Variants in TOX2 observed in about 807,000 individuals in gnomAD.
TOX2 encodes the protein TOX high mobility group box family member 2.
TOX2 carries 15 observed loss-of-function variants against 47.4 expected under a neutral mutation model. That is an observed-to-expected ratio of 0.32 (90% confidence interval 0.21 to 0.49). TOX2 has a LOEUF of 0.49. TOX2 is among the 20% of genes least tolerant of loss of function. The pLI is 0.99. For missense variants in TOX2, 622 were observed against 673.1 expected (o/e 0.92, Z 0.84); for synonymous variants, 290 against 296.6 (o/e 0.98, Z 0.23).
At chr20:43,951,952 AG>A (rs2069582261) in intron 1 of TOX2, among the ~76,000 whole-genome samples, 1 of 151,758 alleles carries the variant, frequency 6.6e-6, no homozygotes, top group Non-Finnish European at 1.5e-5. Context: ...GCTGGAGTGC[AG>A]TGGTGCGATC....
chr20:43,982,534 G>C (rs550736473), intron 2 of TOX2, among the ~76,000 whole-genome samples: 1 of 152,150 alleles, frequency 6.6e-6, no homozygotes, highest in African/African-American at 2.4e-5. Flanking sequence ...CTTATTCAGA[G>C]TGGGACGCTG....
chr20:43,966,084 T>C (rs899469843), intron 1 of TOX2, among the ~76,000 whole-genome samples: 25 of 152,348 alleles, frequency 1.6e-4, no homozygotes, highest in African/African-American at 6.0e-4. Flanking sequence ...TTAATAATGC[T>C]AACTCATAGC....
At chr20:44,016,184 C>T (rs562740158) in intron 3 of TOX2, among the ~76,000 whole-genome samples, 3 of 152,124 alleles carry the variant, frequency 2.0e-5, no homozygotes, top group South Asian at 2.1e-4. Flanking sequence ...GCCTTGGTGC[C>T]GTTCCCTTCT....
chr20:43,960,672 T>C (rs1415488585), intron 1 of TOX2, among the ~76,000 whole-genome samples: 1 of 152,274 alleles, frequency 6.6e-6, no homozygotes, highest in African/African-American at 2.4e-5. Flanking sequence ...GAATGGAATC[T>C]GATTTCCATT....
At chr20:44,048,414 G>GATATATATATATA (rs2071452436) in intron 3 of TOX2, among the ~76,000 whole-genome samples, 1 of 118,374 alleles carries the variant, frequency 8.4e-6, no homozygotes, top group Non-Finnish European at 1.7e-5. Flanking sequence ...ATATATATAT[G>GATATATATATATA]TATAATTTAC....
intron 1 of TOX2, among the ~76,000 whole-genome samples, chr20:43,917,938 A>G (rs975814007): frequency 6.6e-6 from 1 of 152,180 alleles, no homozygotes; most frequent in African/African-American, 2.4e-5. Flanking sequence ...GCTGGGAACC[A>G]TTGGTCTCCT....
chr20:43,941,055 GT>G (rs1416646020), intron 1 of TOX2, among the ~76,000 whole-genome samples: 1 of 152,206 alleles, frequency 6.6e-6, no homozygotes, highest in African/African-American at 2.4e-5. Flanking sequence ...TCTCAGTACT[GT>G]GAAAGGAAGG....
intron 3 of TOX2, among the ~76,000 whole-genome samples, chr20:44,039,430 C>A (rs922361943): frequency 6.6e-6 from 1 of 152,134 alleles, no homozygotes; most frequent in Non-Finnish European, 1.5e-5. Context: ...AGGGAGGCGA[C>A]ATTTCATGCT....
intron 1 of TOX2, among the ~76,000 whole-genome samples, chr20:43,920,301 T>C (rs1407615404): frequency 1.3e-5 from 2 of 152,198 alleles, no homozygotes. Flanking sequence ...TAATGAATGA[T>C]TGAGGACTCT....
chr20:44,015,139 C>T (rs1394817908), intron 3 of TOX2, among the ~76,000 whole-genome samples: 1 of 152,076 alleles, frequency 6.6e-6, no homozygotes, highest in Non-Finnish European at 1.5e-5. Context: ...CACTGATCTC[C>T]CAAATGGGTC....
At chr20:43,962,046 G>A (rs1203563794) in intron 1 of TOX2, among the ~76,000 whole-genome samples, 1 of 152,238 alleles carries the variant, frequency 6.6e-6, no homozygotes, top group Non-Finnish European at 1.5e-5. Context: ...AGCTTAATGA[G>A]CGCTTGTCTG....
intron 1 of TOX2, among the ~76,000 whole-genome samples, chr20:43,917,790 T>C (rs2069074133): frequency 6.6e-6 from 1 of 152,256 alleles, no homozygotes; most frequent in Non-Finnish European, 1.5e-5. Context: ...ATGTGTATTT[T>C]ATTAAACACA....
intron 5 of TOX2, among the ~76,000 whole-genome samples, chr20:44,063,486 A>G (rs914725432): frequency 6.6e-6 from 1 of 152,218 alleles, no homozygotes; most frequent in African/African-American, 2.4e-5. Flanking sequence ...CAAAAAGGGA[A>G]CACTTTTACA....
At chr20:44,053,574 C>G (rs930088917) in intron 4 of TOX2, among the ~76,000 whole-genome samples, 3 of 136,122 alleles carry the variant, frequency 2.2e-5, no homozygotes, top group Admixed American at 1.6e-4. Context: ...TATACACACA[C>G]ATATATATAC....
intron 1 of TOX2, among the ~76,000 whole-genome samples, chr20:43,921,239 C>A (rs1568997635): frequency 6.6e-6 from 1 of 152,172 alleles, no homozygotes; most frequent in Admixed American, 6.5e-5. Flanking sequence ...AGGTCCTGTG[C>A]CTCCCCCTTG....
At chr20:44,015,281 A>C (rs1192248132) in intron 3 of TOX2, among the ~76,000 whole-genome samples, 1 of 152,212 alleles carries the variant, frequency 6.6e-6, no homozygotes, top group East Asian at 1.9e-4. Flanking sequence ...ACATTTTATA[A>C]AACTCAGAAA....
chr20:44,061,512 T>C (rs547906558), intron 5 of TOX2, among the ~76,000 whole-genome samples: 2 of 148,202 alleles, frequency 1.3e-5, no homozygotes, highest in Admixed American at 1.3e-4. Flanking sequence ...GCCAACATTA[T>C]AGTGAATGGG....
intron 1 of TOX2, among the ~76,000 whole-genome samples, chr20:43,931,242 G>A (rs1310590739): frequency 3.3e-5 from 5 of 152,164 alleles, no homozygotes; most frequent in Admixed American, 6.5e-5. Flanking sequence ...GGGCTCAAGC[G>A]ATCCTCCTGC....
intron 1 of TOX2, among the ~76,000 whole-genome samples, chr20:43,938,273 T>G (rs1051637489): frequency 2.0e-5 from 3 of 152,150 alleles, no homozygotes; most frequent in Admixed American, 2.0e-4. Context: ...CTGGCACAGA[T>G]GCGGGCCCCA....
Sources: allele counts gnomAD v4.1 joint callset (sites outside exome capture counted in the v4.1 genomes callset), GRCh38; gene constraint gnomAD v4.1.1; transcripts MANE v1.5; gene names NCBI Gene and HGNC (gene_info 2026-07-23, HGNC 2026-07-21).